PRICKLE2: variants seen among roughly 807,000 people sequenced by gnomAD.
The protein encoded by PRICKLE2 is prickle planar cell polarity protein 2.
PRICKLE2 carries 21 observed loss-of-function variants against 81.4 expected under a neutral mutation model. The observed-to-expected ratio is 0.26, with a 90% CI of 0.18 to 0.37. PRICKLE2 has a LOEUF of 0.37. Ranked by LOEUF, PRICKLE2 falls within the 10% of genes least tolerant of loss-of-function variation. The pLI, the probability that PRICKLE2 is intolerant of heterozygous loss-of-function variation, is 1.00. For missense variants in PRICKLE2, 940 were observed against 1,109.0 expected (o/e 0.85, Z 2.16); for synonymous variants, 456 against 421.5 (o/e 1.08, Z -1.00).
At chr3:64,227,443 A>T (rs1263497032), upstream of PRICKLE2, among the ~76,000 whole-genome samples, 1 of 152,138 alleles carries the variant, frequency 6.6e-6, no homozygotes, top group African/African-American at 2.4e-5. Context: ...TCTCTCATCT[A>T]CTCATGATCA....
In PRICKLE2 at chr3:64,099,082, C is replaced by A. The variant is rs771424575; in HGVS notation, c.2504G>T (p.Arg835Ile). 19 of 1,614,228 alleles carry A rather than the reference C, an allele frequency of 1.2e-5. No individual in the cohort carries two copies. The highest frequency in any genetic ancestry group is 1.6e-5 in the Non-Finnish European group (19 of 1,180,048). ...GGRGQLHSRK[R>I]QKSKNCIIS ...AATGATACAGTTTTTGCTCTTCTGT[C>A]TTTTCCTGCTGTGCAACTGTCCTCT... Residue 835 changes from arginine (R) to isoleucine (I), a missense_variant, in exon 8 of 8, where the codon AGA becomes ATA. Around this residue, in one of 2 missense-constraint regions of PRICKLE2, gnomAD observed 670 missense variants for 717.2 expected, o/e 0.93. Coordinates refer to ENST00000638394, the MANE Select transcript of PRICKLE2 (RefSeq NM_198859.4). This position sits in a 1 kb window ranked among gnomAD's most constrained non-coding sequence, Gnocchi z 4.3.
At chr3:64,119,084 G>C (rs1317268408) in intron 7 of PRICKLE2, among the ~76,000 whole-genome samples, 2 of 152,152 alleles carry the variant, frequency 1.3e-5, no homozygotes, top group Non-Finnish European at 2.9e-5. Context: ...CATGGATGGA[G>C]CTGGAGGCCA....
chr3:64,204,112 G>T (rs1002179293), intron 1 of PRICKLE2, among the ~76,000 whole-genome samples: 4 of 152,146 alleles, frequency 2.6e-5, no homozygotes, highest in African/African-American at 4.8e-5. Flanking sequence ...CCAAGACAAA[G>T]ATCCCTGCCC....
At chr3:64,153,512 T>A in intron 5 of PRICKLE2, 144 bp from the exon 6 acceptor site, 1 of 720,988 alleles carries the variant, frequency 1.4e-6, no homozygotes, top group South Asian at 1.6e-5. Context: ...CATATGGATA[T>A]GTTTATTCTG....
At position 64,147,458 on chromosome 3, in the gene PRICKLE2, C is replaced by T; in HGVS notation, c.1032G>A (p.Lys344=). ...SRRSAKIGKN[K]GKTEEPMLNQ... is the part of the protein sequence containing the mutation. ...TCAGCATGGGCTCCTCCGTCTTGCC[C>T]TTGTTCTTGCCAATTTTGGCACTGC... Residue 344 remains lysine (K), a synonymous_variant, in exon 7 of 8, where the codon AAG becomes AAA. Transcript: ENST00000638394. This position sits in a 1 kb window ranked among gnomAD's most constrained non-coding sequence, Gnocchi z 5.0. The T allele has an allele frequency of 6.2e-7, 1 of 1,614,248 alleles. No homozygotes were observed. The highest frequency in any genetic ancestry group is 8.5e-7 in the Non-Finnish European group (1 of 1,180,052).
chr3:64,107,497 T>C (rs1314924887), intron 7 of PRICKLE2, among the ~76,000 whole-genome samples: 1 of 152,148 alleles, frequency 6.6e-6, no homozygotes, highest in Non-Finnish European at 1.5e-5. Context: ...TTTATTGTCC[T>C]GTCTTATCCC....
intron 1 of PRICKLE2, among the ~76,000 whole-genome samples, chr3:64,210,433 A>G (rs968811035): frequency 2.6e-5 from 4 of 152,128 alleles, no homozygotes; most frequent in Non-Finnish European, 5.9e-5. Context: ...ACAGAAGCTC[A>G]AGGGCGGAGA....
chr3:64,121,285 T>A (rs575636786), intron 7 of PRICKLE2, among the ~76,000 whole-genome samples: 3 of 152,344 alleles, frequency 2.0e-5, no homozygotes, highest in African/African-American at 7.2e-5. Context: ...GGTTTGGGAA[T>A]TTCTACGGCA....
chr3:64,155,562 A>G (rs530289982), intron 5 of PRICKLE2, among the ~76,000 whole-genome samples: 6 of 152,348 alleles, frequency 3.9e-5, no homozygotes, highest in African/African-American at 1.4e-4. Context: ...AACTAAAAAT[A>G]TATGTACACA....
At chr3:64,103,312 A>G (rs370282320) in intron 7 of PRICKLE2, among the ~76,000 whole-genome samples, 1 of 152,190 alleles carries the variant, frequency 6.6e-6, no homozygotes. Flanking sequence ...GAATTTTCCA[A>G]ACCAAACTGT....
chr3:64,189,217 A>G (rs2078289705), intron 2 of PRICKLE2, among the ~76,000 whole-genome samples: 1 of 152,196 alleles, frequency 6.6e-6, no homozygotes, highest in African/African-American at 2.4e-5. Context: ...AGAGATAAGG[A>G]TAAACAGAGA....
intron 7 of PRICKLE2, among the ~76,000 whole-genome samples, chr3:64,125,454 G>A (rs904043185): frequency 6.6e-6 from 1 of 152,144 alleles, no homozygotes; most frequent in East Asian, 1.9e-4. Flanking sequence ...TTTGTGAAAG[G>A]AAGAGTCAAT....
At chr3:64,218,323 T>C (rs942741332) in intron 1 of PRICKLE2, among the ~76,000 whole-genome samples, 7 of 152,234 alleles carry the variant, frequency 4.6e-5, no homozygotes, top group Admixed American at 2.0e-4. Flanking sequence ...CTACTTCTTA[T>C]AATCTCAAGT....
intron 7 of PRICKLE2, among the ~76,000 whole-genome samples, chr3:64,126,312 A>G (rs143491026): frequency 6.6e-4 from 100 of 152,304 alleles, no homozygotes; most frequent in African/African-American, 2.3e-3. Flanking sequence ...GTGCTAAGTT[A>G]TTCACAGCTG....
At chr3:64,232,209 T>C (rs1000265455) in intron 2 of PRICKLE2, among the ~76,000 whole-genome samples, 17 of 152,198 alleles carry the variant, frequency 1.1e-4, no homozygotes, top group Admixed American at 7.9e-4. Context: ...GATTATGTGA[T>C]TAACCTCTCT....
At chr3:64,157,686 A>G (rs1412908748) in intron 4 of PRICKLE2, among the ~76,000 whole-genome samples, 1 of 152,192 alleles carries the variant, frequency 6.6e-6, no homozygotes, top group Non-Finnish European at 1.5e-5. Context: ...CACAGAGGAA[A>G]GCCTCATTAT....
chr3:64,113,047 T>C lies in PRICKLE2; in HGVS notation c.1661-13122A>G, dbSNP rs2076874924. Among the ~76,000 whole-genome samples, 4 of 151,996 alleles carry C rather than the reference T, an allele frequency of 2.6e-5. No homozygotes were observed. In the South Asian group the frequency reaches 6.2e-4, roughly 24 times the overall value. On this transcript the variant is annotated intron_variant, in intron 7 of 7. Transcript: ENST00000638394. ...ACAACAACAGCTCAGGGGGAATGGG[T>C]GAGTTGAACTGGCAAGGAGCAACCT...
At chr3:64,263,737 A>G (rs191026424) in intron 2 of PRICKLE2, among the ~76,000 whole-genome samples, 5 of 152,176 alleles carry the variant, frequency 3.3e-5, no homozygotes, top group African/African-American at 1.2e-4. Context: ...TGGAAACATA[A>G]CTGTCTTAAG....
intron 2 of PRICKLE2, among the ~76,000 whole-genome samples, chr3:64,169,357 T>C (rs2107058789): frequency 6.6e-6 from 1 of 152,314 alleles, no homozygotes; most frequent in South Asian, 2.1e-4. Flanking sequence ...TTTTATACCA[T>C]GGAGCCACCA....
Sources: gnomAD v4.1 joint callset for allele counts (sites outside exome capture counted in the v4.1 genomes callset) on GRCh38, gnomAD v4.1.1 for gene constraint, gnomAD v4.1.1 regional missense constraint, Gnocchi (gnomAD v3.1) non-coding constraint, MANE v1.5 for transcripts, NCBI Gene and HGNC (gene_info 2026-07-23, HGNC 2026-07-21) for gene names.